The following KIF4A variants were observed in gnomAD, a reference collection of about 807,000 sequenced individuals.
The protein encoded by KIF4A is kinesin family member 4A.
A neutral mutation model predicts 105.9 loss-of-function variants in KIF4A; 7 were observed. The ratio of observed to expected loss-of-function variants is 0.07; its 90% confidence interval spans 0.04 to 0.12. The LOEUF (loss-of-function observed/expected upper bound fraction) is 0.12, where lower values mean the gene tolerates loss of function less well. Among genes scored for constraint, KIF4A ranks in the 10% least tolerant of loss-of-function variants. KIF4A has a pLI of 1.00. For missense variants in KIF4A, 558 were observed against 929.2 expected (o/e 0.60, Z 5.19); for synonymous variants, 281 against 331.3 (o/e 0.85, Z 1.65).
At chrX:70,400,185 A>G in intron 22 of KIF4A, among the ~76,000 whole-genome samples, 1 of 62,751 alleles carries the variant, frequency 1.6e-5, no homozygotes, top group South Asian at 1.0e-3. Context: ...CCCCCACCCC[A>G]CAACAGTCCC....
intron 15 of KIF4A, among the ~76,000 whole-genome samples, chrX:70,361,901 T>C (rs2086077291): frequency 8.9e-6 from 1 of 111,978 alleles, no homozygotes; most frequent in Non-Finnish European, 1.9e-5. Flanking sequence ...AGCTGAGCCA[T>C]TCAGACTCTG....
At chrX:70,399,399 A>T (rs1231102930) in intron 22 of KIF4A, among the ~76,000 whole-genome samples, 1 of 111,918 alleles carries the variant, frequency 8.9e-6, no homozygotes, top group Non-Finnish European at 1.9e-5. Context: ...CTTTCAAGCA[A>T]AATTTGGATT....
rs1056053472 is a variant in KIF4A at position 70,293,804 on chromosome X, G to T, written c.235+2999G>T. Among the ~76,000 whole-genome samples, 31 of 112,223 alleles carry T rather than the reference G, an allele frequency of 2.8e-4. 1 individual carries two copies. In the Admixed American group the frequency reaches 2.9e-3, roughly 11 times the overall value. ...CAATTACCGTGAATGGAGCTTGCAG[G>T]ACTGGAAGTTGCTCTGAGTGAGTCA... On this transcript the variant is annotated intron_variant, in intron 3 of 30. Transcript: ENST00000374403.
At chrX:70,307,974 C>G (rs1413785019) in intron 7 of KIF4A, among the ~76,000 whole-genome samples, 1 of 112,096 alleles carries the variant, frequency 8.9e-6, no homozygotes, top group African/African-American at 3.2e-5. Flanking sequence ...GGGCATATGC[C>G]TTCAACACTC....
At chrX:70,394,479 C>T (rs1028906388) in intron 20 of KIF4A, among the ~76,000 whole-genome samples, 1 of 111,755 alleles carries the variant, frequency 8.9e-6, no homozygotes, top group Non-Finnish European at 1.9e-5. Flanking sequence ...GTGTGAGCCA[C>T]TGTGCCCAGC....
intron 5 of KIF4A, among the ~76,000 whole-genome samples, chrX:70,300,356 A>G (rs935496475): frequency 8.9e-6 from 1 of 111,805 alleles, no homozygotes; most frequent in Non-Finnish European, 1.9e-5. Flanking sequence ...CCCCATGTTA[A>G]GGCAGGAATT....
chrX:70,410,320 T>A (rs1350985783), intron 28 of KIF4A, among the ~76,000 whole-genome samples: 1 of 111,939 alleles, frequency 8.9e-6, no homozygotes, highest in Non-Finnish European at 1.9e-5. Flanking sequence ...AATGATGACT[T>A]GTCCAGAGTT....
intron 7 of KIF4A, among the ~76,000 whole-genome samples, chrX:70,317,473 G>A (rs1199463): frequency 0.13 from 13,544 of 108,211 alleles, 1,414 homozygotes; most frequent in African/African-American, 0.34. Context: ...ATACCCCTCC[G>A]AGATCATGAT....
At chrX:70,290,379 C>T (rs2085753639) in intron 1 of KIF4A, 59 bp from the exon 2 acceptor site, 1 of 1,151,909 alleles carries the variant, frequency 8.7e-7, no homozygotes. Flanking sequence ...GGAGGACGCC[C>T]TCCCACCCCT....
At chrX:70,415,760 G>A (rs2086340881) in intron 28 of KIF4A, among the ~76,000 whole-genome samples, 1 of 109,442 alleles carries the variant, frequency 9.1e-6, no homozygotes, top group African/African-American at 3.3e-5. Context: ...TTACTATTAA[G>A]GGGGGTTAGT....
intron 28 of KIF4A, among the ~76,000 whole-genome samples, chrX:70,409,951 T>C (rs1240035379): frequency 9.0e-6 from 1 of 111,551 alleles, no homozygotes; most frequent in East Asian, 2.8e-4. Context: ...AAGGGCAACA[T>C]AGAAGTATAG....
intron 15 of KIF4A, among the ~76,000 whole-genome samples, chrX:70,358,312 G>A (rs781088132): frequency 9.0e-6 from 1 of 110,860 alleles, no homozygotes; most frequent in South Asian, 3.9e-4. Context: ...CTTTGATAAT[G>A]CTATCTCTAC....
chrX:70,399,299 T>C (rs749416194), intron 22 of KIF4A, among the ~76,000 whole-genome samples: 17 of 111,876 alleles, frequency 1.5e-4, no homozygotes, highest in South Asian at 1.5e-3. Context: ...ACTTGGTTAC[T>C]TGGCAGACAT....
chrX:70,380,399 A>G (rs2086192908), intron 18 of KIF4A, among the ~76,000 whole-genome samples: 1 of 112,507 alleles, frequency 8.9e-6, no homozygotes, highest in African/African-American at 3.2e-5. Flanking sequence ...TTTATGTTAT[A>G]TACTGTATCA....
intron 10 of KIF4A, among the ~76,000 whole-genome samples, chrX:70,340,565 A>G (rs1200146594): frequency 1.8e-5 from 2 of 112,392 alleles, no homozygotes; most frequent in African/African-American, 6.5e-5. Context: ...TAACACTTAA[A>G]TTTACTAATA....
intron 15 of KIF4A, among the ~76,000 whole-genome samples, chrX:70,363,144 A>G (rs181129455): frequency 1.6e-3 from 175 of 111,920 alleles, no homozygotes; most frequent in Non-Finnish European, 2.6e-3. Flanking sequence ...CATGAGTTGT[A>G]GTAAACCAGG....
In KIF4A at chrX:70,297,017, G is replaced by A. The variant is rs2147658082; in HGVS notation, c.255G>A (p.Leu85=). 8.3e-7 allele frequency: 1 copy of A among 1,209,975 alleles called. No individual in the cohort carries two copies. Among genetic ancestry groups the A allele is most frequent in the African/African-American group, 1.7e-5 (1 of 57,280 alleles). Residue 85 remains leucine, a synonymous_variant, in exon 4 of 31, where the codon CTG becomes CTA. Transcript: ENST00000374403. ...TGTCAGGATATAATGCAACGGTCCT[G>A]GCCTATGGGCAGACTGGCTCTGGAA... is the stretch of plus-strand genomic sequence containing the variant. The part of the protein sequence containing the change: ...GVFKGYNATV[L]AYGQTGSGKT...
At chrX:70,305,461 T>C (rs2085823152) in intron 7 of KIF4A, among the ~76,000 whole-genome samples, 1 of 112,408 alleles carries the variant, frequency 8.9e-6, no homozygotes, top group African/African-American at 3.2e-5. Flanking sequence ...TGTGGTCTTT[T>C]GTGACTGGCT....
At chrX:70,407,935 C>T (rs746990546) in intron 28 of KIF4A, among the ~76,000 whole-genome samples, 1 of 110,831 alleles carries the variant, frequency 9.0e-6, no homozygotes, top group South Asian at 3.9e-4. Context: ...GGCCTGATGG[C>T]GCATGCCTGT....
Sources: allele counts gnomAD v4.1 joint callset (sites outside exome capture counted in the v4.1 genomes callset), GRCh38; gene constraint gnomAD v4.1.1; transcripts MANE v1.5; gene names NCBI Gene and HGNC (gene_info 2026-07-23, HGNC 2026-07-21).